Variants in CTSO observed in about 807,000 individuals in gnomAD.
CTSO encodes cathepsin O.
A neutral mutation model predicts 42.4 loss-of-function variants in CTSO; 40 were observed. That is an observed-to-expected ratio of 0.94 (90% CI 0.73 to 1.23). CTSO has a LOEUF of 1.23. Ranked by LOEUF, CTSO falls within the 50% of genes most tolerant of loss-of-function variation. CTSO has a pLI of 0.00. For missense variants in CTSO, 441 were observed against 396.0 expected (o/e 1.11, Z -0.96); for synonymous variants, 156 against 146.2 (o/e 1.07, Z -0.48).
At chr4:155,948,419 A>T (rs993163468) in intron 1 of CTSO, among the ~76,000 whole-genome samples, 1 of 151,772 alleles carries the variant, frequency 6.6e-6, no homozygotes, top group Admixed American at 6.6e-5. Context: ...ACTGGAGGTG[A>T]TCACATATTT....
chr4:155,927,040 A>C (rs1360625615), intron 7 of CTSO, among the ~76,000 whole-genome samples: 1 of 152,148 alleles, frequency 6.6e-6, no homozygotes. Flanking sequence ...GATGCTGAAA[A>C]GTGGAGGCCT....
rs542482291 is a variant in CTSO at position 155,925,109 on chromosome 4, A to C, written c.*927T>G. On this transcript the variant is annotated 3_prime_UTR_variant, in exon 8 of 8. Transcript: ENST00000433477. ...TTGGTAAAGGTACAGAGACAAAGGG[A>C]GCCAACCAAGTGGTAAGAAAATAGA... is the stretch of plus-strand genomic sequence containing the variant. 1 of 152,284 alleles carries C rather than the reference A, an allele frequency of 6.6e-6. No homozygotes were observed. The highest frequency in any genetic ancestry group is 1.9e-4 in the East Asian group (1 of 5,180). The allele number at this position is 152,284 out of a possible 1,614,324, so 9.4% of individuals were successfully genotyped here. A position where few individuals can be genotyped will look rare whatever the true frequency, so the allele number is the denominator to read the frequency against.
At chr4:155,940,018 C>A (rs1743400910) in intron 3 of CTSO, among the ~76,000 whole-genome samples, 1 of 151,976 alleles carries the variant, frequency 6.6e-6, no homozygotes, top group Admixed American at 6.6e-5. Flanking sequence ...GCATGTTGTG[C>A]TAATTATTTG....
chr4:155,939,844 C>T (rs917276823), intron 3 of CTSO, among the ~76,000 whole-genome samples: 1 of 152,172 alleles, frequency 6.6e-6, no homozygotes, highest in Admixed American at 6.5e-5. Flanking sequence ...TTCTAAAAGA[C>T]CATTCAGTTC....
chr4:155,950,869 C>G lies in CTSO; in HGVS notation c.135+2844G>C, dbSNP rs534840525. The stretch of plus-strand genomic sequence containing the variant: ...CTCACCCCACCCCCACACCCCAGTC[C>G]GTGGAAAAATTGTCTTCCATGAAAC... On this transcript the variant is annotated intron_variant, in intron 1 of 7. Coordinates refer to ENST00000433477, the MANE Select transcript of CTSO (RefSeq NM_001334.3). 1.3e-3 allele frequency among the ~76,000 whole-genome samples: 199 copies of G among 151,750 alleles called. 1 individual carries two copies. The highest frequency in any genetic ancestry group is 4.6e-3 in the African/African-American group (189 of 41,312).
At position 155,926,081 on chromosome 4, in the gene CTSO, A is replaced by G. The variant is rs550259088; in HGVS notation, c.932-11T>C. The G allele has an allele frequency of 1.5e-4, 219 of 1,474,972 alleles. 1 individual carries two copies. Among genetic ancestry groups the G allele is most frequent in the Non-Finnish European group, 3.2e-5 (35 of 1,100,958 alleles). The allele number at this position is 1,474,972 out of a possible 1,614,324, so 91.4% of individuals were successfully genotyped here. On this transcript the variant is annotated splice_polypyrimidine_tract_variant and intron_variant, in intron 7 of 7. Coordinates refer to ENST00000433477, the MANE Select transcript of CTSO (RefSeq NM_001334.3). ...CGGAATCTGCAATACCTAAGGGAAAAAAAAGGAATTATTAGTCTATTTCCT... is the reference window on the plus strand; with the variant it reads ...CGGAATCTGCAATACCTAAGGGAAAGAAAAGGAATTATTAGTCTATTTCCT...
chr4:155,948,373 TTGTGTGTG>T (rs55984712), intron 1 of CTSO, among the ~76,000 whole-genome samples: 52,806 of 150,890 alleles, frequency 0.35, 10,283 homozygotes, highest in East Asian at 0.69. Flanking sequence ...AAAGCTGCCT[TTGTGTGTG>T]TGTGTGTGTG....
chr4:155,941,181 A>G (rs762711084), intron 3 of CTSO, among the ~76,000 whole-genome samples: 2 of 152,236 alleles, frequency 1.3e-5, no homozygotes, highest in African/African-American at 4.8e-5. Flanking sequence ...AACACTTTCC[A>G]TAAAAGGGAA....
intron 1 of CTSO, among the ~76,000 whole-genome samples, chr4:155,951,750 A>G (rs528431465): frequency 6.6e-6 from 1 of 152,320 alleles, no homozygotes; most frequent in Admixed American, 6.5e-5. Flanking sequence ...AAGAAGTTTC[A>G]CGGTTACCAA....
At chr4:155,935,982 C>T (rs1474819677) in intron 5 of CTSO, among the ~76,000 whole-genome samples, 1 of 151,962 alleles carries the variant, frequency 6.6e-6, no homozygotes, top group Non-Finnish European at 1.5e-5. Context: ...TCTTTTGCTT[C>T]TTCTTAATTT....
chr4:155,943,977 T>C (rs1006694440), intron 1 of CTSO, among the ~76,000 whole-genome samples: 1 of 152,230 alleles, frequency 6.6e-6, no homozygotes, highest in Non-Finnish European at 1.5e-5. Flanking sequence ...TTACATAGAA[T>C]AAATAAAATT....
intron 5 of CTSO, among the ~76,000 whole-genome samples, chr4:155,930,188 C>A (rs1270764237): frequency 6.6e-6 from 1 of 152,096 alleles, no homozygotes; most frequent in Non-Finnish European, 1.5e-5. Context: ...AGACATAGGG[C>A]TTCTTTTATT....
rs1229684640 is a variant in CTSO at position 155,928,447 on chromosome 4, A to T, written c.839-19T>A. The T allele has an allele frequency of 1.9e-6, 3 of 1,549,560 alleles. No individual in the cohort carries two copies. Among genetic ancestry groups the T allele is most frequent in the Non-Finnish European group, 2.6e-6 (3 of 1,139,158 alleles). On this transcript the variant is annotated intron_variant, in intron 6 of 7. Coordinates refer to ENST00000433477, the MANE Select transcript of CTSO (RefSeq NM_001334.3). Reference sequence around the variant, plus strand: ...GTGCTTCCTACAGTGAAACATAAATAGTAACAAATCCTGAAAACTCAAATT... The same window carrying T: ...GTGCTTCCTACAGTGAAACATAAATTGTAACAAATCCTGAAAACTCAAATT...
At chr4:155,950,862 C>T (rs1168108452) in intron 1 of CTSO, among the ~76,000 whole-genome samples, 1 of 151,918 alleles carries the variant, frequency 6.6e-6, no homozygotes, top group African/African-American at 2.4e-5. Context: ...ACCCCCACAC[C>T]CCAGTCCGTG....
intron 4 of CTSO, among the ~76,000 whole-genome samples, chr4:155,938,328 A>G (rs80038274): frequency 0.024 from 3,716 of 152,326 alleles, 124 homozygotes; most frequent in African/African-American, 0.073. Context: ...TACAGTGTGT[A>G]CAGAGCAGGT....
rs576886315 is a variant in CTSO at position 155,941,868 on chromosome 4, G to C, written c.384+449C>G. On this transcript the variant is annotated intron_variant, in intron 3 of 7. Coordinates refer to ENST00000433477, the MANE Select transcript of CTSO (RefSeq NM_001334.3). Reference sequence around the variant, plus strand: ...TGAGGCTTGAGAACCCAGGAGATTCGGCCACACTGTTGGTAAATGTATCCA... The same window carrying C: ...TGAGGCTTGAGAACCCAGGAGATTCCGCCACACTGTTGGTAAATGTATCCA... Among the ~76,000 whole-genome samples, 13 of 152,160 alleles carry C rather than the reference G, an allele frequency of 8.5e-5. No homozygotes were observed. In the South Asian group the frequency reaches 2.1e-3, roughly 24 times the overall value.
At chr4:155,938,263 C>T (rs192780544) in intron 4 of CTSO, among the ~76,000 whole-genome samples, 1 of 152,232 alleles carries the variant, frequency 6.6e-6, no homozygotes, top group East Asian at 1.9e-4. Flanking sequence ...ACAAAACCCT[C>T]CCTTTTTGAA....
chr4:155,949,784 T>C (rs2110938219), intron 1 of CTSO, among the ~76,000 whole-genome samples: 1 of 152,344 alleles, frequency 6.6e-6, no homozygotes, highest in African/African-American at 2.4e-5. Context: ...TTGTAAACTT[T>C]AGATCAGTGA....
intron 1 of CTSO, among the ~76,000 whole-genome samples, chr4:155,948,153 C>G (rs888167482): frequency 6.6e-6 from 1 of 152,130 alleles, no homozygotes; most frequent in African/African-American, 2.4e-5. Flanking sequence ...TAACTCAGAA[C>G]CCAAGAGATT....
Sources: allele counts gnomAD v4.1 joint callset (sites outside exome capture counted in the v4.1 genomes callset), GRCh38; gene constraint gnomAD v4.1.1; transcripts MANE v1.5; gene names NCBI Gene and HGNC (gene_info 2026-07-23, HGNC 2026-07-21).